NRXN3: variants seen among roughly 807,000 people sequenced by gnomAD.
NRXN3 encodes the protein neurexin 3.
NRXN3 carries 32 observed loss-of-function variants against 137.6 expected under a neutral mutation model. The observed-to-expected ratio is 0.23, with a 90% CI of 0.18 to 0.31. NRXN3 has a LOEUF of 0.31. NRXN3 is among the 10% of genes least tolerant of loss of function. The probability of loss-of-function intolerance (pLI) is 1.00; values close to 1 mark genes in which losing one functional copy is unlikely to be tolerated. For synonymous variants in NRXN3, 798 were observed against 784.5 expected, an observed-to-expected ratio of 1.02 and a Z score of -0.29; for missense variants, 1,574 against 2,062.5, an observed-to-expected ratio of 0.76 and a Z score of 4.59.
intron 15 of NRXN3, among the ~76,000 whole-genome samples, chr14:79,094,973 A>AGTGTGTGTGTGTGT (rs1442448952): frequency 1.1e-5 from 1 of 94,688 alleles, no homozygotes; most frequent in African/African-American, 3.8e-5. Context: ...AGAGAGAGAG[A>AGTGTGTGTGTGTGT]GAGAGAGTGT....
chr14:79,476,066 C>T (rs1231964889), intron 16 of NRXN3, among the ~76,000 whole-genome samples: 1 of 152,096 alleles, frequency 6.6e-6, no homozygotes, highest in Admixed American at 6.6e-5. Flanking sequence ...TTACACTGCT[C>T]CTTGTCATTA....
chr14:79,168,726 C>G (rs2061506723), intron 15 of NRXN3, among the ~76,000 whole-genome samples: 2 of 152,070 alleles, frequency 1.3e-5, no homozygotes, highest in South Asian at 4.1e-4. Flanking sequence ...ACTACATTCT[C>G]TACCTTCGCA....
At chr14:78,487,657 G>A (rs4254256) in intron 4 of NRXN3, among the ~76,000 whole-genome samples, 74,616 of 151,268 alleles carry the variant, frequency 0.49, 18,946 homozygotes, top group Middle Eastern at 0.68. Context: ...CATAAGAATC[G>A]CTTGAACCCA....
chr14:78,740,383 CT>C (rs11389704), intron 8 of NRXN3, among the ~76,000 whole-genome samples: 11 of 148,472 alleles, frequency 7.4e-5, no homozygotes, highest in African/African-American at 2.2e-4. Context: ...CCCTTGTCTC[CT>C]TTTTTTTTTC....
intron 20 of NRXN3, among the ~76,000 whole-genome samples, chr14:79,812,129 A>T (rs2099236287): frequency 6.6e-6 from 1 of 152,188 alleles, no homozygotes; most frequent in South Asian, 2.1e-4. Context: ...TTAATAATAA[A>T]AAAATGAAAA....
chr14:79,758,556 T>G (rs2099027895), intron 19 of NRXN3, among the ~76,000 whole-genome samples: 1 of 152,152 alleles, frequency 6.6e-6, no homozygotes, highest in Admixed American at 6.5e-5. Context: ...AGGCCCTACC[T>G]CCAACATTGG....
At chr14:78,451,716 G>A (rs762730107) in intron 4 of NRXN3, among the ~76,000 whole-genome samples, 1 of 152,196 alleles carries the variant, frequency 6.6e-6, no homozygotes, top group Admixed American at 6.5e-5. Context: ...AGAGTCCTGC[G>A]TAGGCACGTA....
chr14:78,848,692 C>G (rs1213646210), intron 10 of NRXN3, among the ~76,000 whole-genome samples: 1 of 152,126 alleles, frequency 6.6e-6, no homozygotes, highest in Non-Finnish European at 1.5e-5. Context: ...CAGTTGGGCA[C>G]TGATAGCAAC....
At chr14:79,178,427 T>A (rs1229879815) in intron 15 of NRXN3, among the ~76,000 whole-genome samples, 2 of 152,238 alleles carry the variant, frequency 1.3e-5, no homozygotes, top group African/African-American at 4.8e-5. Context: ...ATATTCACTC[T>A]GTTATTGTTA....
chr14:78,480,149 A>G (rs1307316215), intron 4 of NRXN3, among the ~76,000 whole-genome samples: 3 of 152,204 alleles, frequency 2.0e-5, no homozygotes, highest in Admixed American at 1.3e-4. Context: ...AGAAACAAAC[A>G]AACAAAAAAC....
intron 15 of NRXN3, among the ~76,000 whole-genome samples, chr14:79,013,432 A>G (rs914274513): frequency 1.3e-5 from 2 of 152,156 alleles, no homozygotes; most frequent in African/African-American, 4.8e-5. Flanking sequence ...GCCTGCTACA[A>G]CAAAAACAAT....
At chr14:78,614,348 A>G (rs2097327601) in intron 4 of NRXN3, among the ~76,000 whole-genome samples, 1 of 152,250 alleles carries the variant, frequency 6.6e-6, no homozygotes, top group Non-Finnish European at 1.5e-5. Context: ...TTGGCTGTTT[A>G]CTAAAAAGAT....
intron 4 of NRXN3, among the ~76,000 whole-genome samples, chr14:78,341,238 A>T (rs1018055327): frequency 1.3e-5 from 2 of 152,200 alleles, no homozygotes; most frequent in South Asian, 4.1e-4. Context: ...TAATTTGAAA[A>T]AGCCTCCTAG....
At chr14:79,228,356 T>TA (rs5809930) in intron 15 of NRXN3, among the ~76,000 whole-genome samples, 150,454 of 151,648 alleles carry the variant, frequency 0.99, 74,638 homozygotes, top group East Asian at 1. Context: ...TTTCAAAATC[T>TA]AAAAAAAAAT....
At chr14:79,536,102 C>T (rs908484303) in intron 16 of NRXN3, among the ~76,000 whole-genome samples, 7 of 152,046 alleles carry the variant, frequency 4.6e-5, no homozygotes, top group Admixed American at 3.9e-4. Context: ...GACATCTTTC[C>T]CCAGAGGTGG....
intron 15 of NRXN3, among the ~76,000 whole-genome samples, chr14:79,426,859 T>C (rs1461564159): frequency 6.6e-6 from 1 of 152,224 alleles, no homozygotes; most frequent in African/African-American, 2.4e-5. Context: ...CCTTACTCTA[T>C]ATTAGTGTTG....
At chr14:78,191,806 A>C (rs1038742846) in intron 1 of NRXN3, among the ~76,000 whole-genome samples, 1 of 152,124 alleles carries the variant, frequency 6.6e-6, no homozygotes, top group South Asian at 2.1e-4. Flanking sequence ...GGCAAGTACC[A>C]CCATGCCGAT....
chr14:79,199,889 C>T (rs1364022082), intron 15 of NRXN3: 1 of 152,030 alleles, frequency 6.6e-6, no homozygotes, highest in Non-Finnish European at 1.5e-5. Context: ...TTATAAAAGG[C>T]CCGGAATGCT....
At chr14:78,801,008 C>G (rs910566816) in intron 8 of NRXN3, among the ~76,000 whole-genome samples, 2 of 152,130 alleles carry the variant, frequency 1.3e-5, no homozygotes, top group African/African-American at 4.8e-5. Flanking sequence ...CTGTATTAGC[C>G]TGTTTTCACA....
Sources: allele counts gnomAD v4.1 joint callset (sites outside exome capture counted in the v4.1 genomes callset), GRCh38; gene constraint gnomAD v4.1.1; transcripts MANE v1.5; gene names NCBI Gene and HGNC (gene_info 2026-07-23, HGNC 2026-07-21).